Variants in PTPRT observed in about 807,000 individuals in gnomAD.
PTPRT encodes protein tyrosine phosphatase receptor type T, also known as receptor-type tyrosine-protein phosphatase T.
Under a neutral mutation model 176.8 loss-of-function variants are expected in PTPRT, and 56 were observed. That is an observed-to-expected ratio of 0.32 (90% confidence interval 0.26 to 0.40). The LOEUF (loss-of-function observed/expected upper bound fraction) is 0.40, where lower values mean the gene tolerates loss of function less well. Ranked by LOEUF, PTPRT falls within the 10% of genes least tolerant of loss-of-function variation. PTPRT has a pLI of 1.00. For synonymous variants in PTPRT, 783 were observed against 739.0 expected, an observed-to-expected ratio of 1.06 and a Z score of -0.96; for missense variants, 1,540 against 1,908.2, an observed-to-expected ratio of 0.81 and a Z score of 3.60.
intron 2 of PTPRT, among the ~76,000 whole-genome samples, chr20:42,823,609 T>C (rs1181621899): frequency 6.6e-6 from 1 of 152,104 alleles, no homozygotes; most frequent in Non-Finnish European, 1.5e-5. Context: ...AGAAGAATAC[T>C]CTATTAGAAT....
chr20:42,572,667 T>C (rs2073177642), intron 7 of PTPRT, among the ~76,000 whole-genome samples: 1 of 152,228 alleles, frequency 6.6e-6, no homozygotes, highest in African/African-American at 2.4e-5. Flanking sequence ...ATAGCACTCA[T>C]CATGATTACA....
chr20:42,617,090 C>G (rs1294337192), intron 7 of PTPRT, among the ~76,000 whole-genome samples: 1 of 136,976 alleles, frequency 7.3e-6, no homozygotes, highest in East Asian at 2.0e-4. Flanking sequence ...ATAGATAGCT[C>G]TTATTATTTT....
At chr20:42,917,911 C>T (rs968329848) in intron 1 of PTPRT, among the ~76,000 whole-genome samples, 1 of 152,196 alleles carries the variant, frequency 6.6e-6, no homozygotes, top group African/African-American at 2.4e-5. Flanking sequence ...ACTCTTTCCT[C>T]CCTGAAGGTG....
At chr20:42,749,961 A>T (rs2145376814) in intron 6 of PTPRT, among the ~76,000 whole-genome samples, 1 of 152,322 alleles carries the variant, frequency 6.6e-6, no homozygotes, top group Admixed American at 6.5e-5. Flanking sequence ...CCATCCTAAA[A>T]TGTAGGCTCC....
intron 12 of PTPRT, among the ~76,000 whole-genome samples, chr20:42,314,433 G>C (rs1475516226): frequency 6.6e-6 from 1 of 151,538 alleles, no homozygotes; most frequent in Non-Finnish European, 1.5e-5. Flanking sequence ...GGAGGCTGAG[G>C]CAGGAGAAGA....
intron 7 of PTPRT, among the ~76,000 whole-genome samples, chr20:42,589,007 C>T (rs1164069765): frequency 1.3e-5 from 2 of 152,176 alleles, no homozygotes; most frequent in African/African-American, 4.8e-5. Flanking sequence ...GGATCCAGAA[C>T]CTATGTCCTA....
At chr20:42,346,543 A>C (rs2058197752) in intron 11 of PTPRT, among the ~76,000 whole-genome samples, 1 of 152,264 alleles carries the variant, frequency 6.6e-6, no homozygotes, top group Admixed American at 6.5e-5. Context: ...ATAAATCTCC[A>C]TTGTGGAGTG....
chr20:42,235,046 CT>C (rs1475934425), intron 15 of PTPRT, among the ~76,000 whole-genome samples: 2 of 152,210 alleles, frequency 1.3e-5, no homozygotes, highest in Non-Finnish European at 2.9e-5. Flanking sequence ...TAATCCCACT[CT>C]TTTGCTAGCT....
At chr20:42,646,671 A>G (rs1385174493) in intron 7 of PTPRT, among the ~76,000 whole-genome samples, 1 of 152,082 alleles carries the variant, frequency 6.6e-6, no homozygotes, top group Non-Finnish European at 1.5e-5. Context: ...CAGATACAGA[A>G]CACTGCCATC....
intron 1 of PTPRT, among the ~76,000 whole-genome samples, chr20:43,123,891 G>T (rs2013354040): frequency 6.6e-6 from 1 of 152,176 alleles, no homozygotes; most frequent in Non-Finnish European, 1.5e-5. Context: ...AGAAAAATGT[G>T]TGTTGCCATT....
intron 6 of PTPRT, among the ~76,000 whole-genome samples, chr20:42,723,382 G>A (rs570179508): frequency 6.6e-6 from 1 of 152,138 alleles, no homozygotes; most frequent in Non-Finnish European, 1.5e-5. Flanking sequence ...TGTCCCATTC[G>A]AAGCTGCAGT....
chr20:42,545,789 G>A (rs1241101803), intron 7 of PTPRT, among the ~76,000 whole-genome samples: 2 of 152,158 alleles, frequency 1.3e-5, no homozygotes. Flanking sequence ...CCCATAGGCT[G>A]TTAGGCCATC....
chr20:42,105,472 T>G (rs73131104), intron 24 of PTPRT, among the ~76,000 whole-genome samples: 6 of 152,194 alleles, frequency 3.9e-5, no homozygotes, highest in African/African-American at 1.4e-4. Context: ...TAATGTTTCA[T>G]TCTTTCTGGA....
chr20:42,817,822 C>T (rs1440077958), intron 2 of PTPRT, among the ~76,000 whole-genome samples: 1 of 152,138 alleles, frequency 6.6e-6, no homozygotes, highest in African/African-American at 2.4e-5. Flanking sequence ...GGCTTCCCTG[C>T]AGAAACTCCA....
rs1358914349 is a variant in PTPRT at position 42,110,391 on chromosome 20, C to T, written c.3196G>A (p.Val1066Ile). 4.3e-6 allele frequency: 7 copies of T among 1,612,296 alleles called. No homozygotes were observed. The highest frequency in any genetic ancestry group is 4.0e-5 in the African/African-American group (3 of 74,910). ...GGGTTGAGGAACTTGACCTGGCGGA[C>T]GAAGCCCAGAAGGCCAGTGGCATAG... ...PCYATGLLGF[V>I]RQVKFLNPPE... The change falls in exon 23 of 31, where the codon GTC becomes ATC. Residue 1066 changes from valine (V) to isoleucine (I), a missense_variant. Physicochemically the swap from Val to Ile is conservative, Grantham distance 29. Transcript: ENST00000373187.
chr20:42,200,972 T>G (rs1416990976), intron 15 of PTPRT, among the ~76,000 whole-genome samples: 1 of 152,224 alleles, frequency 6.6e-6, no homozygotes, highest in Admixed American at 6.5e-5. Flanking sequence ...ACAGATAGTT[T>G]CAAGAGGTAA....
chr20:42,555,481 A>T (rs2072844533), intron 7 of PTPRT, among the ~76,000 whole-genome samples: 1 of 152,172 alleles, frequency 6.6e-6, no homozygotes, highest in South Asian at 2.1e-4. Context: ...CAGGCAGTTT[A>T]GGTGTTGCTA....
At chr20:42,125,357 G>A (rs1174112778) in intron 19 of PTPRT, among the ~76,000 whole-genome samples, 1 of 152,164 alleles carries the variant, frequency 6.6e-6, no homozygotes, top group Non-Finnish European at 1.5e-5. Flanking sequence ...AGATCATAAA[G>A]CTAGTAATCA....
At chr20:42,794,814 C>A (rs2077429301) in intron 2 of PTPRT, among the ~76,000 whole-genome samples, 1 of 145,460 alleles carries the variant, frequency 6.9e-6, no homozygotes, top group Non-Finnish European at 1.5e-5. Context: ...AATAGAATAG[C>A]CTAGGCAAAG....
Sources: gnomAD v4.1 joint callset for allele counts (sites outside exome capture counted in the v4.1 genomes callset) on GRCh38, gnomAD v4.1.1 for gene constraint, MANE v1.5 for transcripts, NCBI Gene and HGNC (gene_info 2026-07-23, HGNC 2026-07-21) for gene names.